The following SLC22A25 variants were observed in gnomAD, a reference collection of about 807,000 sequenced individuals.
SLC22A25 encodes solute carrier family 22 member 25.
A neutral mutation model predicts 45.9 loss-of-function variants in SLC22A25; 44 were observed. That is an observed-to-expected ratio of 0.96 (90% CI 0.75 to 1.23). The LOEUF is 1.23. Ranked by LOEUF, SLC22A25 falls within the 50% of genes most tolerant of loss-of-function variation. SLC22A25 has a pLI of 0.00. For synonymous variants in SLC22A25, 283 were observed against 238.6 expected (o/e 1.19, Z -1.72); for missense variants, 800 against 666.4 (o/e 1.20, Z -2.21).
chr11:63,205,380 G>GA (rs2089370894), intron 7 of SLC22A25, among the ~76,000 whole-genome samples: 2 of 151,712 alleles, frequency 1.3e-5, no homozygotes, highest in African/African-American at 4.8e-5. Context: ...GCTGTTTTTT[G>GA]AAAAAAATAA....
intron 7 of SLC22A25, among the ~76,000 whole-genome samples, chr11:63,185,023 A>C (rs1419243205): frequency 6.6e-6 from 1 of 152,168 alleles, no homozygotes; most frequent in Non-Finnish European, 1.5e-5. Flanking sequence ...AAAATCATGT[A>C]ACACATTGCA....
intron 10 of SLC22A25, among the ~76,000 whole-genome samples, chr11:63,165,410 C>T (rs1220520931): frequency 6.6e-6 from 1 of 152,082 alleles, no homozygotes; most frequent in Non-Finnish European, 1.5e-5. Context: ...AACTTGGGTT[C>T]CCTTATTTAT....
chr11:63,204,953 CAA>C (rs2089356050), intron 7 of SLC22A25, among the ~76,000 whole-genome samples: 1 of 152,096 alleles, frequency 6.6e-6, no homozygotes, highest in African/African-American at 2.4e-5. Context: ...GAAATCATAA[CAA>C]ACAGTCTCTC....
intron 9 of SLC22A25, 128 bp from the exon 10 acceptor site, chr11:63,166,386 A>G: frequency 4.8e-6 from 7 of 1,452,060 alleles, no homozygotes; most frequent in Non-Finnish European, 6.3e-6. Flanking sequence ...TTTGTGGAAT[A>G]TTTTCTTGCA....
At chr11:63,177,793 T>C (rs2088146575) in intron 9 of SLC22A25, among the ~76,000 whole-genome samples, 1 of 112,328 alleles carries the variant, frequency 8.9e-6, no homozygotes, top group African/African-American at 3.0e-5. Flanking sequence ...ACATATCCGA[T>C]TATATATATA....
chr11:63,225,324 T>A (rs1303637872), intron 5 of SLC22A25, among the ~76,000 whole-genome samples: 1 of 152,204 alleles, frequency 6.6e-6, no homozygotes, highest in African/African-American at 2.4e-5. Context: ...GGTCTGGTGT[T>A]GATGAAACCT....
At position 63,217,485 on chromosome 11, in the gene SLC22A25, G is replaced by T; in HGVS notation, c.662-3C>A. On this transcript the variant is annotated splice_polypyrimidine_tract_variant and splice_region_variant and intron_variant, in intron 6 of 11. Coordinates refer to ENST00000306494, the MANE Select transcript of SLC22A25 (RefSeq NM_199352.6). ...TTGGTGAGTTATCCACTCTACAACT[G>T]AAAGAAAACACAAACAAGATTTAGC... 1 of 1,613,198 alleles carries T rather than the reference G, an allele frequency of 6.2e-7. No homozygotes were observed. The highest frequency in any genetic ancestry group is 8.5e-7 in the Non-Finnish European group (1 of 1,179,464).
At chr11:63,194,340 G>A (rs1039868215) in intron 7 of SLC22A25, among the ~76,000 whole-genome samples, 2 of 152,108 alleles carry the variant, frequency 1.3e-5, no homozygotes, top group Admixed American at 6.6e-5. Flanking sequence ...CTCAAGAAGA[G>A]CAACCCCAAG....
chr11:63,227,030 T>A (rs2089976501), intron 5 of SLC22A25, among the ~76,000 whole-genome samples: 1 of 152,110 alleles, frequency 6.6e-6, no homozygotes. Flanking sequence ...GACTCACCCT[T>A]TAGGGCAGTG....
intron 5 of SLC22A25, among the ~76,000 whole-genome samples, chr11:63,221,382 T>C (rs1170792323): frequency 6.6e-6 from 1 of 152,174 alleles, no homozygotes; most frequent in Non-Finnish European, 1.5e-5. Context: ...TGACCAATGA[T>C]GTTGAGCACA....
At chr11:63,199,553 G>A (rs115284367) in intron 7 of SLC22A25, among the ~76,000 whole-genome samples, 171 of 151,810 alleles carry the variant, frequency 1.1e-3, no homozygotes, top group African/African-American at 3.6e-3. Context: ...TCCCCCTCCC[G>A]CCTCCCTCCT....
At chr11:63,219,772 T>C in intron 5 of SLC22A25, 1 of 472,988 alleles carries the variant, frequency 2.1e-6, no homozygotes, top group Non-Finnish European at 3.7e-6. Context: ...TACCTTATCT[T>C]GCACCACCCT....
intron 9 of SLC22A25, among the ~76,000 whole-genome samples, chr11:63,178,926 T>C (rs918789850): frequency 6.6e-6 from 1 of 152,070 alleles, no homozygotes; most frequent in Non-Finnish European, 1.5e-5. Flanking sequence ...TGCTTTCTTC[T>C]AGTATTATCA....
rs866704269 is a variant in SLC22A25 at position 63,217,664 on chromosome 11, G to A, written c.578C>T (p.Ala193Val). The A allele has an allele frequency of 6.2e-7, 1 of 1,613,864 alleles. No individual in the cohort carries two copies. The highest frequency in any genetic ancestry group is 8.5e-7 in the Non-Finnish European group (1 of 1,179,994). The change falls in exon 6 of 12, where the codon GCT (alanine) becomes GTT (valine). Residue 193 changes from alanine (A) to valine (V), a missense_variant. Physicochemically the swap from Ala to Val is moderately conservative, Grantham distance 64. Transcript: ENST00000306494. ...GGAGCAGTATACGAGGATGGTGGGA[G>A]CAAAGGCCGCACAGGTGCCTACAAT... ...LAIVGTCAAF[A>V]PTILVYCSLR...
At chr11:63,214,382 A>C (rs2134808908) in intron 7 of SLC22A25, among the ~76,000 whole-genome samples, 1 of 152,370 alleles carries the variant, frequency 6.6e-6, no homozygotes, top group East Asian at 1.9e-4. Context: ...TATAAAAAGC[A>C]CCAAAGGAAG....
chr11:63,191,375 C>T (rs1036202515), intron 7 of SLC22A25, among the ~76,000 whole-genome samples: 3 of 152,162 alleles, frequency 2.0e-5, no homozygotes, highest in South Asian at 2.1e-4. Flanking sequence ...CCTGGTATGC[C>T]GTTTGCTAAG....
intron 3 of SLC22A25, among the ~76,000 whole-genome samples, chr11:63,235,273 A>C (rs2090143983): frequency 6.6e-6 from 1 of 152,180 alleles, no homozygotes; most frequent in South Asian, 2.1e-4. Flanking sequence ...CGTCACTTTC[A>C]GGTACACCAG....
At chr11:63,238,340 C>G (rs1202505302) in intron 2 of SLC22A25, among the ~76,000 whole-genome samples, 2 of 152,112 alleles carry the variant, frequency 1.3e-5, no homozygotes, top group African/African-American at 4.8e-5. Flanking sequence ...CACTGCAGAC[C>G]TTCTCCTATG....
intron 3 of SLC22A25, among the ~76,000 whole-genome samples, 191 bp from the exon 4 acceptor site, chr11:63,230,287 G>A (rs1214706377): frequency 6.6e-6 from 1 of 152,180 alleles, no homozygotes; most frequent in East Asian, 1.9e-4. Flanking sequence ...TCAAATGTGG[G>A]GAGAGTGGGT....
Sources: allele counts gnomAD v4.1 joint callset (sites outside exome capture counted in the v4.1 genomes callset), GRCh38; gene constraint gnomAD v4.1.1; transcripts MANE v1.5; gene names NCBI Gene and HGNC (gene_info 2026-07-23, HGNC 2026-07-21).